Variants in CD1B observed in about 807,000 individuals in gnomAD.
The protein encoded by CD1B is T-cell surface glycoprotein CD1b.
A neutral mutation model predicts 39.8 loss-of-function variants in CD1B; 43 were observed. The observed-to-expected ratio is 1.08, with a 90% CI of 0.85 to 1.39. The LOEUF (loss-of-function observed/expected upper bound fraction) is 1.39, where lower values mean the gene tolerates loss of function less well. Ranked by LOEUF, CD1B falls within the 40% of genes most tolerant of loss-of-function variation. The pLI is 0.00. For synonymous variants in CD1B, 192 were observed against 152.5 expected, an observed-to-expected ratio of 1.26 and a Z score of -1.91; for missense variants, 495 against 403.8, an observed-to-expected ratio of 1.23 and a Z score of -1.94.
At chr1:158,285,929 G>A in the CD1B span, among the ~76,000 whole-genome samples, 4 of 152,098 alleles carry the variant, frequency 2.6e-5, no homozygotes, top group Non-Finnish European at 1.5e-5. Context: ...TTCCGTAATG[G>A]GGAAGTAGGC....
At chr1:158,318,248 A>T in the CD1B span, among the ~76,000 whole-genome samples, 3 of 152,130 alleles carry the variant, frequency 2.0e-5, no homozygotes, top group Non-Finnish European at 4.4e-5. Flanking sequence ...GATCTGTCTA[A>T]TCTTGACAGT....
chr1:158,328,338 G>T, intron 5 of CD1B, 81 bp from the exon 6 acceptor site: 1 of 1,216,118 alleles, frequency 8.2e-7, no homozygotes, highest in Non-Finnish European at 1.2e-6. Flanking sequence ...ATTCATGATA[G>T]TTAAAAGTGA....
downstream of CD1B, among the ~76,000 whole-genome samples, chr1:158,324,886 G>T (rs1652293610): frequency 1.3e-5 from 2 of 152,072 alleles, no homozygotes; most frequent in South Asian, 4.1e-4. Context: ...GACTTGAAAA[G>T]AATCTCATTG....
At chr1:158,307,283 T>C in the CD1B span, among the ~76,000 whole-genome samples, 1 of 151,978 alleles carries the variant, frequency 6.6e-6, no homozygotes, top group Non-Finnish European at 1.5e-5. Context: ...CAGACTACCA[T>C]CAGAGAATAA....
the CD1B span, chr1:158,292,588 C>G: frequency 1.4e-4 from 220 of 1,610,938 alleles, 1 homozygote; most frequent in African/African-American, 2.5e-3. Context: ...TTTTTCTGCT[C>G]TCTGCAGTGA....
the CD1B span, among the ~76,000 whole-genome samples, chr1:158,316,486 G>A: frequency 1.3e-5 from 2 of 151,840 alleles, no homozygotes; most frequent in Non-Finnish European, 1.5e-5. Flanking sequence ...AAGAATGCTT[G>A]TGATTTTTGT....
At chr1:158,297,735 C>A in the CD1B span, among the ~76,000 whole-genome samples, 30 of 152,162 alleles carry the variant, frequency 2.0e-4, no homozygotes, top group African/African-American at 7.2e-4. Context: ...GAGTTTGAGA[C>A]CAACCTAGGC....
chr1:158,305,829 C>A, the CD1B span, among the ~76,000 whole-genome samples: 1 of 152,170 alleles, frequency 6.6e-6, no homozygotes, highest in Admixed American at 6.5e-5. Context: ...TGTAGCCAAA[C>A]TAAGCTTCAT....
chr1:158,318,787 T>C, the CD1B span, among the ~76,000 whole-genome samples: 1 of 152,246 alleles, frequency 6.6e-6, no homozygotes, highest in Non-Finnish European at 1.5e-5. Context: ...GGCATGATTT[T>C]GCAGCAGCTT....
At chr1:158,308,668 A>G in the CD1B span, among the ~76,000 whole-genome samples, 3 of 152,308 alleles carry the variant, frequency 2.0e-5, no homozygotes, top group Middle Eastern at 3.4e-3. Flanking sequence ...GCCCTCAGAA[A>G]TAACGCCACA....
At chr1:158,308,506 A>G in the CD1B span, among the ~76,000 whole-genome samples, 96 of 152,348 alleles carry the variant, frequency 6.3e-4, no homozygotes, top group Non-Finnish European at 7.3e-5. Context: ...GGAACCAAAA[A>G]GAGCCCGCAT....
the CD1B span, among the ~76,000 whole-genome samples, chr1:158,308,127 T>C: frequency 2.0e-5 from 3 of 152,180 alleles, no homozygotes; most frequent in African/African-American, 7.2e-5. Context: ...GATAGGCAAC[T>C]TCAGCAAAGT....
the CD1B span, among the ~76,000 whole-genome samples, chr1:158,311,019 T>C: frequency 3.3e-5 from 5 of 152,142 alleles, no homozygotes; most frequent in African/African-American, 9.6e-5. Flanking sequence ...AATTTACCCA[T>C]GTAACAAACC....
At position 158,329,384 on chromosome 1, in the gene CD1B, A is replaced by T. The variant is rs767173403; in HGVS notation, c.872T>A (p.Ile291Asn). Residue 291 changes from isoleucine to asparagine, a missense_variant, in exon 4 of 6, where the codon ATC (isoleucine) becomes AAC (asparagine). Physicochemically the swap from Ile to Asn is moderately radical, Grantham distance 149 (BLOSUM62 -3). Coordinates refer to ENST00000368168, the MANE Select transcript of CD1B (RefSeq NM_001764.3). ...VKHSSLEGQDIILYWRNPTSI... is the reference protein window; with the variant it reads ...VKHSSLEGQDNILYWRNPTSI... Reference sequence around the variant, plus strand: ...CTATTTCTTACTCCAGTAGAGGATGATGTCCTGGCCCTCTAAACTGCTGTG... The same window carrying T: ...CTATTTCTTACTCCAGTAGAGGATGTTGTCCTGGCCCTCTAAACTGCTGTG... The T allele has an allele frequency of 6.2e-7, 1 of 1,613,648 alleles. No individual in the cohort carries two copies. Among genetic ancestry groups the T allele is most frequent in the African/African-American group, 1.3e-5 (1 of 75,016 alleles).
chr1:158,287,515 G>T, the CD1B span, among the ~76,000 whole-genome samples: 1 of 151,906 alleles, frequency 6.6e-6, no homozygotes, highest in African/African-American at 2.4e-5. Flanking sequence ...CTTTGGGAGG[G>T]TACACAAACT....
the CD1B span, among the ~76,000 whole-genome samples, chr1:158,287,541 T>A: frequency 1.3e-5 from 2 of 152,008 alleles, no homozygotes; most frequent in African/African-American, 2.4e-5. Flanking sequence ...TCCATAACAA[T>A]GAGAAGGCCA....
the CD1B span, among the ~76,000 whole-genome samples, chr1:158,322,733 A>G: frequency 6.6e-6 from 1 of 152,008 alleles, no homozygotes; most frequent in Non-Finnish European, 1.5e-5. Context: ...AAGAGCCTTT[A>G]TCTCTCCTTC....
At chr1:158,292,271 C>T in the CD1B span, 482 of 1,614,096 alleles carry the variant, frequency 3.0e-4, no homozygotes, top group African/African-American at 4.1e-3. Flanking sequence ...AGTATGAAGG[C>T]GTCACAGAAA....
At chr1:158,299,410 TG>T in the CD1B span, among the ~76,000 whole-genome samples, 6 of 152,164 alleles carry the variant, frequency 3.9e-5, no homozygotes, top group African/African-American at 1.4e-4. Flanking sequence ...TGCTGGATTT[TG>T]TTTGCCAGTA....
Sources: allele counts gnomAD v4.1 joint callset (sites outside exome capture counted in the v4.1 genomes callset), GRCh38; gene constraint gnomAD v4.1.1; transcripts MANE v1.5; gene names NCBI Gene and HGNC (gene_info 2026-07-23, HGNC 2026-07-21).